Variants in ZC3H6 observed in about 807,000 individuals in gnomAD.
The protein encoded by ZC3H6 is zinc finger CCCH domain-containing protein 6.
In ZC3H6, 40 loss-of-function variants were observed where a neutral mutation model predicts 107.7. The ratio of observed to expected loss-of-function variants is 0.37; its 90% CI spans 0.29 to 0.48. The LOEUF (loss-of-function observed/expected upper bound fraction) is 0.48, where lower values mean the gene tolerates loss of function less well. Among genes scored for constraint, ZC3H6 ranks in the 20% least tolerant of loss-of-function variants. The probability of loss-of-function intolerance (pLI) is 0.98; values close to 1 mark genes in which losing one functional copy is unlikely to be tolerated. For synonymous variants in ZC3H6, 493 were observed against 487.9 expected (o/e 1.01, Z -0.14); for missense variants, 1,267 against 1,410.4 (o/e 0.90, Z 1.63).
chr2:112,331,729 AATT>A lies in ZC3H6; in HGVS notation c.2813_2815del (p.Ile938del). On this transcript the variant is annotated inframe_deletion, in exon 12 of 12. Transcript: ENST00000409871. ...ATCCAAAATTAGCAGCCAAAGCCAAAATTAACACAACAAACAGAGAAGGCTACC... is the reference window on the plus strand; with the variant it reads ...ATCCAAAATTAGCAGCCAAAGCCAAAAACACAACAAACAGAGAAGGCTACC... The A allele has an allele frequency of 6.2e-7, 1 of 1,613,866 alleles. No individual in the cohort carries two copies. Among genetic ancestry groups the A allele is most frequent in the Non-Finnish European group, 8.5e-7 (1 of 1,179,864 alleles).
intron 1 of ZC3H6, chr2:112,286,408 C>T (rs916206997): frequency 1.2e-5 from 2 of 164,002 alleles, no homozygotes; most frequent in African/African-American, 4.8e-5. Context: ...AAGGAGTATA[C>T]TTTGGGAACG....
intron 3 of ZC3H6, among the ~76,000 whole-genome samples, chr2:112,307,186 A>C (rs1573956781): frequency 1.3e-5 from 2 of 152,224 alleles, no homozygotes; most frequent in East Asian, 1.9e-4. Context: ...AATTACATCC[A>C]AAAATCCCTT....
At position 112,324,422 on chromosome 2, in the gene ZC3H6, A is replaced by G. The variant is rs773606540; in HGVS notation, c.1611A>G (p.Gln537=). 13 of 1,613,870 alleles carry G rather than the reference A, an allele frequency of 8.1e-6. No individual in the cohort carries two copies. The highest frequency in any genetic ancestry group is 1.0e-5 in the Non-Finnish European group (12 of 1,179,886). ...AAAATCAAGCTGGAGTGCTTGTTCAACCAGACACATCTTTGACACCACCAA... is the reference window on the plus strand; with the variant it reads ...AAAATCAAGCTGGAGTGCTTGTTCAGCCAGACACATCTTTGACACCACCAA... ...GPQNQAGVLV[Q]PDTSLTPPSM... is the part of the protein sequence containing the mutation. Residue 537 remains glutamine (Q), a synonymous_variant, in exon 10 of 12, where the codon CAA becomes CAG. Transcript: ENST00000409871.
At position 112,299,884 on chromosome 2, in the gene ZC3H6, A is replaced by T; in HGVS notation, c.68A>T (p.Asp23Val). 6.7e-7 allele frequency: 1 copy of T among 1,488,540 alleles called. No homozygotes were observed. Among genetic ancestry groups the T allele is most frequent in the Non-Finnish European group, 8.9e-7 (1 of 1,120,576 alleles). 92.2% of individuals were successfully genotyped at this position (1,488,540 alleles called of 1,614,324 possible). ...GAATTAGAAGATGGTGAAATAGACG[A>T]TGCAGGATTTGAAGAAATACAAGAA... is the stretch of plus-strand genomic sequence containing the variant. ...DGELEDGEID[D>V]AGFEEIQEKE... Residue 23 changes from aspartate to valine, a missense_variant, in exon 2 of 12, where the codon GAT (aspartate) becomes GTT (valine). Transcript: ENST00000409871.
chr2:112,316,604 T>A lies in ZC3H6; in HGVS notation c.864+18T>A, dbSNP rs780292474. The A allele has an allele frequency of 7.6e-6, 11 of 1,453,454 alleles. No individual in the cohort carries two copies. In the African/African-American group the frequency reaches 1.1e-4, roughly 15 times the overall value. 90.0% of individuals were successfully genotyped at this position (1,453,454 alleles called of 1,614,324 possible). The stretch of plus-strand genomic sequence containing the variant: ...GTATTAAGGTAAATTTATAGAGGTA[T>A]CATAAGTCATTTTAACTTCCAAAAT... On this transcript the variant is annotated intron_variant, in intron 6 of 11. Coordinates refer to ENST00000409871, the MANE Select transcript of ZC3H6 (RefSeq NM_198581.3).
At chr2:112,278,410 C>G (rs1248650325) in intron 1 of ZC3H6, among the ~76,000 whole-genome samples, 2 of 152,210 alleles carry the variant, frequency 1.3e-5, no homozygotes, top group Non-Finnish European at 2.9e-5. Flanking sequence ...CTCCACTTCC[C>G]GCCTTCACAC....
chr2:112,320,354 A>C (rs1298997862), intron 7 of ZC3H6, among the ~76,000 whole-genome samples: 1 of 152,224 alleles, frequency 6.6e-6, no homozygotes, highest in African/African-American at 2.4e-5. Flanking sequence ...AAGGACCTTT[A>C]TTCAGATGAT....
At chr2:112,318,241 T>C (rs1290747846) in intron 7 of ZC3H6, among the ~76,000 whole-genome samples, 3 of 152,122 alleles carry the variant, frequency 2.0e-5, no homozygotes, top group African/African-American at 7.2e-5. Flanking sequence ...ACATGATGAA[T>C]TGGAACAGAA....
intron 11 of ZC3H6, among the ~76,000 whole-genome samples, chr2:112,326,887 A>G (rs911486646): frequency 1.3e-5 from 2 of 152,104 alleles, no homozygotes; most frequent in African/African-American, 4.8e-5. Context: ...TGCTGGGATT[A>G]CAGGTGTGCG....
chr2:112,316,229 T>C (rs1306682852), intron 5 of ZC3H6, among the ~76,000 whole-genome samples: 1 of 151,276 alleles, frequency 6.6e-6, no homozygotes, highest in Non-Finnish European at 1.5e-5. Flanking sequence ...TATAATTTTA[T>C]TTAAAAAGTT....
chr2:112,339,963 T>A lies in ZC3H6; in HGVS notation c.*7475T>A, dbSNP rs1677212945. The A allele has an allele frequency of 1.3e-5, 2 of 152,224 alleles. No individual in the cohort carries two copies. The highest frequency in any genetic ancestry group is 2.4e-5 in the African/African-American group (1 of 41,460). 9.4% of individuals were successfully genotyped at this position (152,224 alleles called of 1,614,324 possible). A position where few individuals can be genotyped will look rare whatever the true frequency, so the allele number is the denominator to read the frequency against. On this transcript the variant is annotated 3_prime_UTR_variant, in exon 12 of 12. Transcript: ENST00000409871. ...AACTTTTCCCCTCCTTCTTTACTAA[T>A]AAATTTTCCAAGTTGCATACTGTTG...
At chr2:112,320,730 C>T (rs1327555629) in intron 7 of ZC3H6, among the ~76,000 whole-genome samples, 1 of 152,008 alleles carries the variant, frequency 6.6e-6, no homozygotes, top group Non-Finnish European at 1.5e-5. Context: ...TATAGTCATG[C>T]TGTTTGTAAA....
Position 112,316,505 on chromosome 2 carries a change from T to C in ZC3H6, c.783T>C (p.Thr261=), listed in dbSNP as rs755911250. Residue 261 remains threonine, a synonymous_variant, in exon 6 of 12, where the codon ACT becomes ACC. Transcript: ENST00000409871. ...NKPGKKWKVM[T]QEFINQHTVE... ...CAGGGAAAAAATGGAAGGTTATGAC[T>C]CAGGAATTTATTAATCAGCACACAG... 1 of 1,609,614 alleles carries C rather than the reference T, an allele frequency of 6.2e-7. No homozygotes were observed. Among genetic ancestry groups the C allele is most frequent in the East Asian group, 2.2e-5 (1 of 44,544 alleles).
chr2:112,317,863 A>G (rs986080486), intron 7 of ZC3H6, among the ~76,000 whole-genome samples: 6 of 152,176 alleles, frequency 3.9e-5, no homozygotes, highest in African/African-American at 1.4e-4. Flanking sequence ...CAATTTTTCC[A>G]TGTTAATTTT....
intron 1 of ZC3H6, among the ~76,000 whole-genome samples, chr2:112,291,532 CCT>C (rs1486712352): frequency 6.6e-6 from 1 of 152,202 alleles, no homozygotes; most frequent in African/African-American, 2.4e-5. Flanking sequence ...CCGCGCCAGG[CCT>C]CAATAAAATA....
chr2:112,318,143 GA>G (rs540010557), intron 7 of ZC3H6, among the ~76,000 whole-genome samples: 1 of 151,262 alleles, frequency 6.6e-6, no homozygotes, highest in Admixed American at 6.6e-5. Flanking sequence ...TAAAAAATGT[GA>G]AAAAAAAGAA....
intron 3 of ZC3H6, among the ~76,000 whole-genome samples, chr2:112,304,225 T>C (rs1046645389): frequency 6.6e-6 from 1 of 152,226 alleles, no homozygotes; most frequent in African/African-American, 2.4e-5. Context: ...AAACTTTCAA[T>C]TTTATTCTTT....
rs1325119061 is a variant in ZC3H6 at position 112,276,032 on chromosome 2, G to C, written c.32+6G>C. The C allele has an allele frequency of 6.5e-7, 1 of 1,542,356 alleles. No individual in the cohort carries two copies. The highest frequency in any genetic ancestry group is 2.0e-5 in the Admixed American group (1 of 50,226). ...GAACATGCAGGGCACGACAGGTCGGGAACCCTTCTTGTCTGTCTTTCTGTC... is the reference window on the plus strand; with the variant it reads ...GAACATGCAGGGCACGACAGGTCGGCAACCCTTCTTGTCTGTCTTTCTGTC... On this transcript the variant is annotated splice_donor_region_variant and intron_variant, in intron 1 of 11. Coordinates refer to ENST00000409871, the MANE Select transcript of ZC3H6 (RefSeq NM_198581.3).
chr2:112,289,071 T>C lies in ZC3H6; in HGVS notation c.33-10778T>C, dbSNP rs1250419861. Among the ~76,000 whole-genome samples the C allele has an allele frequency of 5.0e-5, 4 of 79,450 alleles. No individual in the cohort carries two copies. The East Asian group carries it at 1.5e-3, about 31-fold the overall frequency. 52.1% of individuals were successfully genotyped at this position (79,450 alleles called of 152,430 possible). On this transcript the variant is annotated intron_variant, in intron 1 of 11. Coordinates refer to ENST00000409871, the MANE Select transcript of ZC3H6 (RefSeq NM_198581.3). The stretch of plus-strand genomic sequence containing the variant: ...TTTTTTTCTTTTTTTTCTTTTTTTT[T>C]TTTGAGACAGAATCCCGCCCTGTTG...
Sources: allele counts gnomAD v4.1 joint callset (sites outside exome capture counted in the v4.1 genomes callset), GRCh38; gene constraint gnomAD v4.1.1; transcripts MANE v1.5; gene names NCBI Gene and HGNC (gene_info 2026-07-23, HGNC 2026-07-21).